Variants in APBA2 observed in about 807,000 individuals in gnomAD.
APBA2 encodes amyloid-beta A4 precursor protein-binding family A member 2.
Under a neutral mutation model 75.0 loss-of-function variants are expected in APBA2, and 30 were observed. That is an observed-to-expected ratio of 0.40 (90% CI 0.30 to 0.54). The LOEUF (loss-of-function observed/expected upper bound fraction) is 0.54, where lower values mean the gene tolerates loss of function less well. APBA2 is among the 20% of genes least tolerant of loss of function. The probability of loss-of-function intolerance (pLI) is 0.49; values close to 1 mark genes in which losing one functional copy is unlikely to be tolerated. For missense variants in APBA2, 801 were observed against 1,016.1 expected (o/e 0.79, Z 2.88); for synonymous variants, 444 against 409.6 (o/e 1.08, Z -1.01).
At chr15:28,969,474 C>T (rs375347344) in intron 2 of APBA2, among the ~76,000 whole-genome samples, 7 of 152,058 alleles carry the variant, frequency 4.6e-5, no homozygotes, top group South Asian at 4.2e-4. Flanking sequence ...GCCACTGCAC[C>T]GGGCCTTAAC....
chr15:28,984,436 C>T (rs1348863244), intron 2 of APBA2, among the ~76,000 whole-genome samples: 1 of 152,078 alleles, frequency 6.6e-6, no homozygotes, highest in Non-Finnish European at 1.5e-5. Flanking sequence ...CTAGGCTTAG[C>T]CACTGGGTGG....
chr15:28,974,494 C>T (rs974531088), intron 2 of APBA2, among the ~76,000 whole-genome samples: 10 of 152,190 alleles, frequency 6.6e-5, no homozygotes, highest in Middle Eastern at 6.8e-3. Context: ...AACTTTGTTT[C>T]GAGACTACTT....
At chr15:29,031,732 G>A (rs556605416) in intron 3 of APBA2, among the ~76,000 whole-genome samples, 2 of 152,288 alleles carry the variant, frequency 1.3e-5, no homozygotes, top group Admixed American at 6.5e-5. Flanking sequence ...TAGCTACAGA[G>A]TGCTGATTGG....
chr15:29,060,643 C>A (rs2042093077), intron 4 of APBA2, among the ~76,000 whole-genome samples: 1 of 152,170 alleles, frequency 6.6e-6, no homozygotes, highest in African/African-American at 2.4e-5. Flanking sequence ...ATACGGAAGC[C>A]TCCGGTCTGT....
intron 2 of APBA2, among the ~76,000 whole-genome samples, chr15:28,982,456 A>G (rs1220158522): frequency 2.0e-5 from 3 of 152,208 alleles, no homozygotes; most frequent in Non-Finnish European, 4.4e-5. Context: ...ACCTGGTTGC[A>G]GGCAAGGTTT....
chr15:28,896,271 TTCTTCTCTTC>T (rs565525468), intron 1 of APBA2, among the ~76,000 whole-genome samples: 1 of 152,016 alleles, frequency 6.6e-6, no homozygotes, highest in Non-Finnish European at 1.5e-5. Flanking sequence ...CAAACCCACT[TTCTTCTCTTC>T]TCTTCTCTTC....
chr15:29,073,335 G>T (rs910336947), intron 4 of APBA2, among the ~76,000 whole-genome samples: 1 of 152,182 alleles, frequency 6.6e-6, no homozygotes, highest in Non-Finnish European at 1.5e-5. Flanking sequence ...ACCCTAAGGT[G>T]CTAGGTAAAT....
chr15:28,965,518 A>G (rs2036693748), intron 2 of APBA2, among the ~76,000 whole-genome samples: 1 of 152,194 alleles, frequency 6.6e-6, no homozygotes, highest in Admixed American at 6.5e-5. Context: ...AATACCTTAC[A>G]AAGTTTGACA....
chr15:29,063,956 G>A (rs1181118401), intron 4 of APBA2, among the ~76,000 whole-genome samples: 2 of 152,034 alleles, frequency 1.3e-5, no homozygotes, highest in African/African-American at 2.4e-5. Context: ...TCGGGTAAGG[G>A]CCTCCCAAGG....
At chr15:28,913,758 T>A (rs865981565) in intron 1 of APBA2, among the ~76,000 whole-genome samples, 6 of 152,242 alleles carry the variant, frequency 3.9e-5, no homozygotes, top group Middle Eastern at 3.2e-3. Flanking sequence ...TTAAAAAAAA[T>A]TCTACTAGTT....
chr15:28,922,597 C>T (rs778823497), intron 2 of APBA2, among the ~76,000 whole-genome samples: 1 of 152,172 alleles, frequency 6.6e-6, no homozygotes. Flanking sequence ...TTTAGTGGGC[C>T]GTCTGAGCCA....
intron 4 of APBA2, chr15:29,070,807 G>C (rs1389396436): frequency 3.5e-6 from 1 of 289,630 alleles, no homozygotes; most frequent in East Asian, 9.8e-5. Context: ...GCTGGGTGGA[G>C]GAAGAAGTCC....
At chr15:29,094,591 G>A (rs1350774781) in intron 8 of APBA2, among the ~76,000 whole-genome samples, 1 of 152,218 alleles carries the variant, frequency 6.6e-6, no homozygotes, top group Admixed American at 6.5e-5. Context: ...GTTTTACGTG[G>A]ACATTTTAAA....
At chr15:29,087,011 G>A (rs776679654) in intron 6 of APBA2, among the ~76,000 whole-genome samples, 1 of 151,944 alleles carries the variant, frequency 6.6e-6, no homozygotes, top group Non-Finnish European at 1.5e-5. Flanking sequence ...CCTTTCTTAG[G>A]TAAATGGTAG....
chr15:29,071,571 A>T (rs2042624234), intron 4 of APBA2, among the ~76,000 whole-genome samples: 1 of 148,932 alleles, frequency 6.7e-6, no homozygotes, highest in Non-Finnish European at 1.5e-5. Flanking sequence ...TGGGGAGGGC[A>T]TAACAGGATT....
At chr15:28,924,927 TTC>T (rs1393231002) in intron 2 of APBA2, among the ~76,000 whole-genome samples, 1 of 152,092 alleles carries the variant, frequency 6.6e-6, no homozygotes, top group Non-Finnish European at 1.5e-5. Flanking sequence ...ACTTGTTAGT[TTC>T]TGTTTTTTGT....
Position 29,116,613 on chromosome 15 carries a change from GC to G in APBA2, c.2179-448del, listed in dbSNP as rs376982352. Among the ~76,000 whole-genome samples the G allele has an allele frequency of 1.1e-3, 162 of 148,294 alleles. 1 individual carries two copies. The East Asian group carries it at 0.03, about 27-fold the overall frequency. ...ACTGCACTCCAGCCTGGGCGACAGA[GC>G]AAGACTCCGTCTCAAAAAAAAAAAA... On this transcript the variant is annotated intron_variant, in intron 14 of 14. Coordinates refer to ENST00000683413, the MANE Select transcript of APBA2 (RefSeq NM_001353788.2).
rs182660911 is a variant in APBA2, at chr15:29,065,667, C to A, written c.952-9254C>A. Among the ~76,000 whole-genome samples, 725 of 152,262 alleles carry A rather than the reference C, an allele frequency of 4.8e-3. 8 individuals are homozygous for A. The highest frequency in any genetic ancestry group is 0.017 in the African/African-American group (700 of 41,544). On this transcript the variant is annotated intron_variant, in intron 4 of 14. Transcript: ENST00000683413. ...CGTCTGCCCCCAATTCCCCAGTCAG[C>A]CTTCACAGAAGAGAAGTTGGTCTCT... is the stretch of plus-strand genomic sequence containing the variant.
At chr15:29,108,083 G>GCTT (rs1288828875) in intron 12 of APBA2, among the ~76,000 whole-genome samples, 187 bp from the exon 13 acceptor site, 2 of 152,144 alleles carry the variant, frequency 1.3e-5, no homozygotes, top group Non-Finnish European at 2.9e-5. Context: ...GGTAGCTCTG[G>GCTT]TAAGGGCCAG....
Sources: allele counts gnomAD v4.1 joint callset (sites outside exome capture counted in the v4.1 genomes callset), GRCh38; gene constraint gnomAD v4.1.1; transcripts MANE v1.5; gene names NCBI Gene and HGNC (gene_info 2026-07-23, HGNC 2026-07-21).